Variants in DMD observed in about 807,000 individuals in gnomAD.
DMD encodes dystrophin, also known as mutant dystrophin.
A neutral mutation model predicts 330.1 loss-of-function variants in DMD; 63 were observed. That is an observed-to-expected ratio of 0.19 (90% confidence interval 0.16 to 0.24). The LOEUF (loss-of-function observed/expected upper bound fraction) is 0.24, where lower values mean the gene tolerates loss of function less well. Ranked by LOEUF, DMD falls within the 10% of genes least tolerant of loss-of-function variation. The pLI is 1.00. For synonymous variants in DMD, 1,223 were observed against 959.8 expected (o/e 1.27, Z -5.07); for missense variants, 3,344 against 2,684.1 (o/e 1.25, Z -5.43).
In DMD at chrX:33,267,993, A is replaced by ATT. The variant is rs527255488; in HGVS notation, c.7+71264_7+71265dup. Among the ~76,000 whole-genome samples the ATT allele has an allele frequency of 2.9e-3, 281 of 98,314 alleles. 2 individuals are homozygous for ATT. The highest frequency in any genetic ancestry group is 0.011 in the Middle Eastern group (2 of 188). 85.4% of individuals were successfully genotyped at this position (98,314 alleles called of 115,157 possible). ...GTCCTTCTTGACATTGGCATTGGCA[A>ATT]TTTTTTTTTTTTTTTTGACAGAGTC... is the stretch of plus-strand genomic sequence containing the variant. On this transcript the variant is annotated intron_variant, in intron 1 of 17. Transcript: ENST00000288447.
chrX:31,503,590 T>C (rs1327818412), intron 56 of DMD, among the ~76,000 whole-genome samples: 1 of 111,689 alleles, frequency 9.0e-6, no homozygotes, highest in Non-Finnish European at 1.9e-5. Context: ...AAACATGTTA[T>C]CAAGTGTAAA....
chrX:31,353,731 T>G (rs2058537216), intron 60 of DMD, among the ~76,000 whole-genome samples: 1 of 111,598 alleles, frequency 9.0e-6, no homozygotes. Flanking sequence ...ATGTCATGTA[T>G]AGCCAGTTAG....
chrX:31,542,016 C>T (rs1047598668), intron 55 of DMD, among the ~76,000 whole-genome samples: 4 of 111,968 alleles, frequency 3.6e-5, no homozygotes, highest in African/African-American at 1.3e-4. Flanking sequence ...AACGTGGCTA[C>T]TAGAATACTT....
intron 55 of DMD, among the ~76,000 whole-genome samples, chrX:31,510,506 CTTT>C (rs756448666): frequency 4.7e-5 from 4 of 84,483 alleles, no homozygotes; most frequent in Non-Finnish European, 6.7e-5. Context: ...TCTGACTGCT[CTTT>C]TTTTTTTTTT....
At chrX:32,982,810 C>A (rs1359996314) in intron 2 of DMD, among the ~76,000 whole-genome samples, 3 of 112,098 alleles carry the variant, frequency 2.7e-5, no homozygotes, top group Non-Finnish European at 5.6e-5. Flanking sequence ...GTTCTCCTGA[C>A]ACTTTCTAGG....
chrX:31,184,931 A>G (rs748777881), intron 67 of DMD, among the ~76,000 whole-genome samples: 239 of 77,480 alleles, frequency 3.1e-3, no homozygotes, highest in Middle Eastern at 7.1e-3. Flanking sequence ...ACATGGACAT[A>G]GGAAGGGGAA....
At chrX:32,804,769 G>A (rs767218046) in intron 7 of DMD, among the ~76,000 whole-genome samples, 1 of 112,393 alleles carries the variant, frequency 8.9e-6, no homozygotes, top group Non-Finnish European at 1.9e-5. Context: ...GAAGCTTCCA[G>A]AGGATGGAAC....
chrX:31,126,567 C>T (rs61157105), intron 78 of DMD, 75 bp downstream of exon 78: 1 of 961,399 alleles, frequency 1.0e-6, no homozygotes, highest in Non-Finnish European at 1.5e-6. Context: ...ACACACAATT[C>T]TTACACAAAC....
At chrX:32,971,076 C>A (rs1197689451) in intron 2 of DMD, among the ~76,000 whole-genome samples, 1 of 110,889 alleles carries the variant, frequency 9.0e-6, no homozygotes, top group African/African-American at 3.3e-5. Context: ...ATTCTCCTGC[C>A]TCAGCCTCCT....
At chrX:31,900,853 C>T (rs889524075) in intron 47 of DMD, among the ~76,000 whole-genome samples, 4 of 111,569 alleles carry the variant, frequency 3.6e-5, no homozygotes, top group Non-Finnish European at 5.7e-5. Flanking sequence ...TGTAGACCTC[C>T]AGTCTCTACC....
chrX:33,287,395 A>T (rs1185158220), intron 1 of DMD, among the ~76,000 whole-genome samples: 3 of 110,077 alleles, frequency 2.7e-5, no homozygotes, highest in South Asian at 3.9e-4. Context: ...TAATTACGAT[A>T]AAAAAAACTG....
At chrX:32,896,237 T>A (rs1360544882) in intron 2 of DMD, among the ~76,000 whole-genome samples, 1 of 111,407 alleles carries the variant, frequency 9.0e-6, no homozygotes, top group Admixed American at 9.5e-5. Flanking sequence ...TATGCTATGA[T>A]CAAATCCCTC....
intron 2 of DMD, among the ~76,000 whole-genome samples, chrX:32,871,915 C>T (rs1204273847): frequency 9.0e-6 from 1 of 110,862 alleles, no homozygotes. Flanking sequence ...ATAACACTAG[C>T]ACAGTAGGTT....
chrX:33,324,251 T>A (rs908412021), intron 1 of DMD, among the ~76,000 whole-genome samples: 1 of 110,609 alleles, frequency 9.0e-6, no homozygotes, highest in Non-Finnish European at 1.9e-5. Context: ...CAGTACAGTG[T>A]GAGTTTCATG....
chrX:32,512,808 G>A (rs1048780495), intron 18 of DMD, among the ~76,000 whole-genome samples: 1 of 111,852 alleles, frequency 8.9e-6, no homozygotes, highest in Admixed American at 9.5e-5. Flanking sequence ...GTCTCTAAGA[G>A]TATGTTAGAA....
chrX:32,379,914 A>G (rs1272349432), intron 34 of DMD, among the ~76,000 whole-genome samples: 1 of 110,637 alleles, frequency 9.0e-6, no homozygotes, highest in Non-Finnish European at 1.9e-5. Flanking sequence ...GGTAATGAAT[A>G]AACAGTAAAA....
chrX:33,014,989 G>A, intron 2 of DMD, among the ~76,000 whole-genome samples: 1 of 111,508 alleles, frequency 9.0e-6, no homozygotes, highest in Admixed American at 9.6e-5. Context: ...AGAGAGTAGT[G>A]TGAAGAAGCC....
intron 44 of DMD, among the ~76,000 whole-genome samples, chrX:32,078,687 T>C: frequency 8.9e-6 from 1 of 112,048 alleles, no homozygotes; most frequent in Non-Finnish European, 1.9e-5. Flanking sequence ...TTGATTGTTA[T>C]TATAGGAGAT....
chrX:31,255,870 G>A (rs952265558), intron 63 of DMD, among the ~76,000 whole-genome samples: 2 of 105,872 alleles, frequency 1.9e-5, no homozygotes, highest in African/African-American at 6.9e-5. Flanking sequence ...CCGACTCCTG[G>A]GTTCAAGTGA....
Sources: gnomAD v4.1 joint callset for allele counts (sites outside exome capture counted in the v4.1 genomes callset) on GRCh38, gnomAD v4.1.1 for gene constraint, MANE v1.5 for transcripts, NCBI Gene and HGNC (gene_info 2026-07-23, HGNC 2026-07-21) for gene names.